The following BEGAIN variants were observed in gnomAD, a reference collection of about 807,000 sequenced individuals.
BEGAIN encodes brain-enriched guanylate kinase-associated protein.
BEGAIN carries 19 observed loss-of-function variants against 35.8 expected under a neutral mutation model. The ratio of observed to expected loss-of-function variants is 0.53; its 90% CI spans 0.37 to 0.78. The LOEUF is 0.78. BEGAIN is among the 30% of genes least tolerant of loss of function. The pLI, the probability that BEGAIN is intolerant of heterozygous loss-of-function variation, is 0.00. For missense variants in BEGAIN, 795 were observed against 853.6 expected (o/e 0.93, Z 0.85); for synonymous variants, 462 against 388.6 (o/e 1.19, Z -2.22).
intron 1 of BEGAIN, among the ~76,000 whole-genome samples, chr14:100,574,229 C>T (rs900055147): frequency 6.6e-5 from 10 of 152,218 alleles, no homozygotes; most frequent in Non-Finnish European, 1.2e-4. Flanking sequence ...CTGGGTTACC[C>T]GGCAAGTTGA....
chr14:100,545,607 G>A lies in BEGAIN; in HGVS notation c.234-541C>T, dbSNP rs553711521. Among the ~76,000 whole-genome samples, 310 of 152,310 alleles carry A rather than the reference G, an allele frequency of 2.0e-3. 1 individual carries two copies. Among genetic ancestry groups the A allele is most frequent in the African/African-American group, 7.2e-3 (299 of 41,558 alleles). On this transcript the variant is annotated intron_variant, in intron 3 of 6. Coordinates refer to ENST00000554140, the MANE Select transcript of BEGAIN (RefSeq NM_001385089.1). ...CCATTGCTGGTGGGAGGGGGCTTGG[G>A]GATGGTGTCCAGCCTCAGACAACCT...
intron 6 of BEGAIN, 99 bp from the exon 7 acceptor site, chr14:100,539,414 C>T (rs1218957451): frequency 2.4e-5 from 36 of 1,473,244 alleles, no homozygotes; most frequent in Non-Finnish European, 3.0e-5. Context: ...TTAGCCATGA[C>T]CGACAGGCAG....
At position 100,538,998 on chromosome 14, in the gene BEGAIN, C is replaced by T. The variant is rs2031105420; in HGVS notation, c.810G>A (p.Val270=). Residue 270 remains valine (V), a synonymous_variant, in exon 7 of 7, where the codon GTG becomes GTA. Transcript: ENST00000554140. ...GGGCCCGCAGGAAGCCCACGTCGGT[C>T]ACGGGCGCGTCCACGCTAGGCCGCC... ...RDRRPSVDAP[V]TDVGFLRAQN... 2 of 1,610,408 alleles carry T rather than the reference C, an allele frequency of 1.2e-6. No individual in the cohort carries two copies. The highest frequency in any genetic ancestry group is 2.2e-5 in the South Asian group (2 of 90,794).
chr14:100,557,400 G>A (rs1381191870), intron 2 of BEGAIN, among the ~76,000 whole-genome samples: 1 of 152,256 alleles, frequency 6.6e-6, no homozygotes, highest in Non-Finnish European at 1.5e-5. Flanking sequence ...CAGGAGGGGA[G>A]TCAGGTCCAG....
rs546815379 is a variant in BEGAIN, at chr14:100,567,592, G to C, written c.71+319C>G. Among the ~76,000 whole-genome samples, 2 of 152,044 alleles carry C rather than the reference G, an allele frequency of 1.3e-5. No homozygotes were observed. Among genetic ancestry groups the C allele is most frequent in the East Asian group, 2.0e-4 (1 of 5,104 alleles). On this transcript the variant is annotated intron_variant, in intron 2 of 6. Coordinates refer to ENST00000554140, the MANE Select transcript of BEGAIN (RefSeq NM_001385089.1). This position sits in a 1 kb window ranked among gnomAD's most constrained non-coding sequence, Gnocchi z 5.1. ...GTCCCCGGGGACCAGCGAGAGTCCAGGGCAGGGAGCCAGAGGGGCGCTGAG... is the reference window on the plus strand; with the variant it reads ...GTCCCCGGGGACCAGCGAGAGTCCACGGCAGGGAGCCAGAGGGGCGCTGAG...
intron 2 of BEGAIN, among the ~76,000 whole-genome samples, chr14:100,554,103 G>A (rs537683907): frequency 2.6e-5 from 4 of 152,332 alleles, no homozygotes; most frequent in Admixed American, 6.5e-5. Flanking sequence ...GGGGGAGGAC[G>A]GTCACATGAG....
chr14:100,569,309 C>G (rs1210867534), intron 1 of BEGAIN: 5 of 152,166 alleles, frequency 3.3e-5, no homozygotes, highest in Non-Finnish European at 7.3e-5. Context: ...TAAAAGTTGT[C>G]CAAGACCACA....
intron 1 of BEGAIN, among the ~76,000 whole-genome samples, chr14:100,580,136 C>A: frequency 6.6e-6 from 1 of 152,146 alleles, no homozygotes; most frequent in East Asian, 1.9e-4. Flanking sequence ...GAAACCCCAT[C>A]TCTACTAAAA....
intron 1 of BEGAIN, among the ~76,000 whole-genome samples, chr14:100,580,182 G>A (rs2035286901): frequency 6.6e-6 from 1 of 152,190 alleles, no homozygotes; most frequent in Non-Finnish European, 1.5e-5. Flanking sequence ...GCGCCTGCCT[G>A]TAGTCCCAGC....
chr14:100,553,967 A>AC (rs1423167141), intron 2 of BEGAIN, among the ~76,000 whole-genome samples: 2 of 152,104 alleles, frequency 1.3e-5, no homozygotes, highest in Non-Finnish European at 2.9e-5. Flanking sequence ...GTAAGCGTCC[A>AC]CTTAGGGTCA....
intron 2 of BEGAIN, 101 bp from the exon 3 acceptor site, chr14:100,546,763 GGCGCGCGCGC>G (rs145452191): frequency 8.4e-5 from 63 of 746,970 alleles, no homozygotes; most frequent in Non-Finnish European, 1.1e-4. Context: ...CGCGAGTACC[GGCGCGCGCGC>G]GCGCGCGCAC....
rs187117388 is a variant in BEGAIN at position 100,586,326 on chromosome 14, G to T, written c.42+923C>A. Among the ~76,000 whole-genome samples the T allele has an allele frequency of 3.4e-3, 510 of 152,238 alleles. 3 individuals carry two copies. The highest frequency in any genetic ancestry group is 6.0e-3 in the Non-Finnish European group (410 of 67,976). On this transcript the variant is annotated intron_variant, in intron 1 of 6. Coordinates refer to ENST00000554140, the MANE Select transcript of BEGAIN (RefSeq NM_001385089.1). The surrounding 1 kb of genome is among the most constrained non-coding windows in gnomAD (Gnocchi z 4.9). ...GACCCCGCCCCACCCATACCCCCAG[G>T]GCCTGGACCCCCAGTCTGCACTGGC...
chr14:100,540,519 C>T lies in BEGAIN; in HGVS notation c.469G>A (p.Gly157Ser), dbSNP rs200111185. The change falls in exon 6 of 7, where the codon GGC becomes AGC. Residue 157 changes from glycine (G) to serine (S), a missense_variant. By Grantham distance (56) the Gly-to-Ser change is moderately conservative. Coordinates refer to ENST00000554140, the MANE Select transcript of BEGAIN (RefSeq NM_001385089.1). The part of the protein sequence containing the change: ...AQLLQCSQTY[G>S]RVHKVSELPS... ...ACCTCAGACACCTTGTGGACCCTGC[C>T]GTAGGTCTGGCTGCACTGCAGCAGC... is the stretch of plus-strand genomic sequence containing the variant. The T allele has an allele frequency of 1.2e-5, 19 of 1,604,950 alleles. No individual in the cohort carries two copies. The East Asian group carries it at 1.3e-4, about 11-fold the overall frequency.
chr14:100,556,274 G>C (rs1364132841), intron 2 of BEGAIN, among the ~76,000 whole-genome samples: 1 of 152,160 alleles, frequency 6.6e-6, no homozygotes, highest in Non-Finnish European at 1.5e-5. Context: ...CTGGAGACTG[G>C]AGTCAGGATG....
intron 2 of BEGAIN, among the ~76,000 whole-genome samples, chr14:100,551,934 A>C (rs554277260): frequency 2.6e-4 from 40 of 152,330 alleles, no homozygotes; most frequent in African/African-American, 9.6e-4. Flanking sequence ...TTCCGGTCCC[A>C]GGTCTACCCT....
At chr14:100,583,669 C>T (rs1384632803) in intron 1 of BEGAIN, among the ~76,000 whole-genome samples, 1 of 143,382 alleles carries the variant, frequency 7.0e-6, no homozygotes, top group East Asian at 2.0e-4. Flanking sequence ...CTTTCTTTCT[C>T]TCTCTCTCTT....
rs1441199298 is a variant in BEGAIN, at chr14:100,563,159, G to C, written c.71+4752C>G. The stretch of plus-strand genomic sequence containing the variant: ...AGTGTCTCAGCCTGGACAAGTGTCC[G>C]ACATGGACAGGACCACAAGCACCGG... On this transcript the variant is annotated intron_variant, in intron 2 of 6. Coordinates refer to ENST00000554140, the MANE Select transcript of BEGAIN (RefSeq NM_001385089.1). This position sits in a 1 kb window ranked among gnomAD's most constrained non-coding sequence, Gnocchi z 4.2. Among the ~76,000 whole-genome samples the C allele has an allele frequency of 6.6e-6, 1 of 152,214 alleles. No individual in the cohort carries two copies. The highest frequency in any genetic ancestry group is 1.5e-5 in the Non-Finnish European group (1 of 68,034).
chr14:100,577,869 G>C (rs1042888144), intron 1 of BEGAIN: 1 of 399,162 alleles, frequency 2.5e-6, no homozygotes, highest in African/African-American at 2.1e-5. Context: ...CTTCTGTCCC[G>C]GGCTCCAGGA....
At chr14:100,555,487 C>G (rs952336133) in intron 2 of BEGAIN, among the ~76,000 whole-genome samples, 1 of 152,240 alleles carries the variant, frequency 6.6e-6, no homozygotes, top group African/African-American at 2.4e-5. Flanking sequence ...ACCCCAGCCC[C>G]TGCCCACCGT....
Sources: gnomAD v4.1 joint callset for allele counts (sites outside exome capture counted in the v4.1 genomes callset) on GRCh38, gnomAD v4.1.1 for gene constraint, Gnocchi (gnomAD v3.1) non-coding constraint, MANE v1.5 for transcripts, NCBI Gene and HGNC (gene_info 2026-07-23, HGNC 2026-07-21) for gene names.